The following RAD18 variants were observed in gnomAD, a reference collection of about 807,000 sequenced individuals.
RAD18 encodes RAD18 E3 ubiquitin protein ligase, also known as E3 ubiquitin-protein ligase RAD18.
RAD18 carries 47 observed loss-of-function variants against 60.4 expected under a neutral mutation model. That is an observed-to-expected ratio of 0.78 (90% CI 0.62 to 0.99). The LOEUF is 0.99. Ranked by LOEUF, RAD18 falls within the 50% of genes least tolerant of loss-of-function variation. The pLI is 0.00. For missense variants in RAD18, 640 were observed against 593.3 expected, an observed-to-expected ratio of 1.08 and a Z score of -0.82; for synonymous variants, 225 against 195.5, an observed-to-expected ratio of 1.15 and a Z score of -1.26.
chr3:8,894,778 T>TTTTTTTA (rs1939756786), intron 11 of RAD18, among the ~76,000 whole-genome samples: 3 of 149,806 alleles, frequency 2.0e-5, no homozygotes, highest in Admixed American at 6.6e-5. Flanking sequence ...TTTTTTTTTT[T>TTTTTTTA]GAGATGGAGT....
At chr3:8,909,750 G>A (rs1380600345) in intron 9 of RAD18, among the ~76,000 whole-genome samples, 5 of 152,170 alleles carry the variant, frequency 3.3e-5, no homozygotes, top group Non-Finnish European at 1.5e-5. Context: ...TACCAGGGGT[G>A]TCCAATCTTT....
At chr3:8,892,887 T>A (rs540828918) in intron 11 of RAD18, among the ~76,000 whole-genome samples, 3 of 152,326 alleles carry the variant, frequency 2.0e-5, no homozygotes, top group African/African-American at 7.2e-5. Flanking sequence ...CTGTGTAATT[T>A]TGGGCCAGTT....
intron 2 of RAD18, among the ~76,000 whole-genome samples, chr3:8,958,053 C>G (rs1941039648): frequency 2.6e-5 from 4 of 152,168 alleles, no homozygotes; most frequent in African/African-American, 9.7e-5. Context: ...ACAGTGAGTT[C>G]TGCACATTTA....
chr3:8,927,649 A>T (rs1050170607), intron 7 of RAD18, among the ~76,000 whole-genome samples: 9 of 152,240 alleles, frequency 5.9e-5, no homozygotes, highest in Non-Finnish European at 1.2e-4. Flanking sequence ...GGCAAAGACT[A>T]GGAACCAACC....
At chr3:8,882,975 C>A (rs1218271087) in intron 12 of RAD18, among the ~76,000 whole-genome samples, 1 of 152,178 alleles carries the variant, frequency 6.6e-6, no homozygotes, top group Non-Finnish European at 1.5e-5. Context: ...AAGGGAAAAA[C>A]CCATTTCGAG....
At chr3:8,949,801 C>T (rs183239229) in intron 2 of RAD18, among the ~76,000 whole-genome samples, 10 of 152,228 alleles carry the variant, frequency 6.6e-5, no homozygotes, top group African/African-American at 2.2e-4. Flanking sequence ...CTGTAATTGA[C>T]GAATTGCTGG....
intron 4 of RAD18, among the ~76,000 whole-genome samples, chr3:8,945,019 T>C (rs1426485433): frequency 6.6e-6 from 1 of 152,184 alleles, no homozygotes; most frequent in Non-Finnish European, 1.5e-5. Context: ...ATAATATAAA[T>C]TTTAAAAACA....
intron 4 of RAD18, among the ~76,000 whole-genome samples, chr3:8,944,262 G>C (rs45540937): frequency 8.5e-5 from 13 of 152,212 alleles, no homozygotes; most frequent in Admixed American, 4.6e-4. Flanking sequence ...AACCTGAAGA[G>C]CCCTTATTAT....
At chr3:8,945,048 T>C (rs1049141902) in intron 4 of RAD18, among the ~76,000 whole-genome samples, 2 of 152,254 alleles carry the variant, frequency 1.3e-5, no homozygotes, top group Non-Finnish European at 2.9e-5. Flanking sequence ...CAACGATTTA[T>C]ATAGCATTGT....
At chr3:8,898,405 TG>T (rs1273610254) in intron 11 of RAD18, among the ~76,000 whole-genome samples, 3 of 151,742 alleles carry the variant, frequency 2.0e-5, no homozygotes, top group African/African-American at 4.8e-5. Context: ...TGTGTGTGTG[TG>T]TGTGTGTAAA....
intron 9 of RAD18, among the ~76,000 whole-genome samples, chr3:8,910,228 T>C (rs188049827): frequency 1.1e-4 from 17 of 152,344 alleles, no homozygotes; most frequent in African/African-American, 3.6e-4. Context: ...TGGAAAGTGA[T>C]TTACACTTCT....
chr3:8,961,650 T>C (rs1941096558), intron 1 of RAD18, among the ~76,000 whole-genome samples: 1 of 152,196 alleles, frequency 6.6e-6, no homozygotes, highest in African/African-American at 2.4e-5. Context: ...AGATGTGTTA[T>C]AAAGGAGATT....
chr3:8,893,924 A>T (rs1238357438), intron 11 of RAD18, among the ~76,000 whole-genome samples: 1 of 152,078 alleles, frequency 6.6e-6, no homozygotes, highest in Non-Finnish European at 1.5e-5. Flanking sequence ...TCCCAGGCTC[A>T]AGTGATCCTC....
chr3:8,935,904 T>G lies in RAD18; in HGVS notation c.856A>C (p.Asn286His). Residue 286 changes from asparagine to histidine, a missense_variant, in exon 7 of 13, where the codon AAT becomes CAT. Transcript: ENST00000264926. ...GGATGCAAAGCATCGCATTGGGCAT[T>G]GTACATGTGTACAAATTCTTGGTGC... The part of the protein sequence containing the change: ...KRHQEFVHMY[N>H]AQCDALHPKS... 1 of 1,608,482 alleles carries G rather than the reference T, an allele frequency of 6.2e-7. No individual in the cohort carries two copies. The highest frequency in any genetic ancestry group is 8.5e-7 in the Non-Finnish European group (1 of 1,177,832).
At position 8,912,205 on chromosome 3, in the gene RAD18, A is replaced by G. The variant is rs537791255; in HGVS notation, c.1027+107T>C. The stretch of plus-strand genomic sequence containing the variant: ...ATTCAATCTCTTAAGTAATGTTAAC[A>G]AAAGTTTGAATTGAACCTTAATATA... On this transcript the variant is annotated intron_variant, in intron 9 of 12. Transcript: ENST00000264926. The G allele has an allele frequency of 1.9e-4, 176 of 908,348 alleles. 4 individuals are homozygous for G. In the South Asian group the frequency reaches 2.9e-3, roughly 15 times the overall value. 56.3% of individuals were successfully genotyped at this position (908,348 alleles called of 1,614,324 possible). A position where few individuals can be genotyped will look rare whatever the true frequency, so the allele number is the denominator to read the frequency against.
chr3:8,910,513 CAGG>C (rs1940088989), intron 9 of RAD18, among the ~76,000 whole-genome samples: 3 of 151,442 alleles, frequency 2.0e-5, no homozygotes, highest in Admixed American at 2.0e-4. Flanking sequence ...GAGGCTGAGG[CAGG>C]AGAATGGCGT....
intron 1 of RAD18, among the ~76,000 whole-genome samples, 154 bp downstream of exon 1, chr3:8,963,181 C>T (rs2124851459): frequency 6.6e-6 from 1 of 152,332 alleles, no homozygotes; most frequent in South Asian, 2.1e-4. Flanking sequence ...CCCAGAGCCA[C>T]GCGGTCGGCT....
Position 8,890,470 on chromosome 3 carries a change from C to A in RAD18, c.1323-19G>T, listed in dbSNP as rs1267918598. On this transcript the variant is annotated intron_variant, in intron 11 of 12. Transcript: ENST00000264926. ...ACTGGAACTAAAAGGATATGTACAT[C>A]AGTATTGACAGACAACAAGAAGACT... 6.6e-7 allele frequency: 1 copy of A among 1,511,708 alleles called. No individual in the cohort carries two copies. Among genetic ancestry groups the A allele is most frequent in the Non-Finnish European group, 9.2e-7 (1 of 1,088,424 alleles). 93.6% of individuals were successfully genotyped at this position (1,511,708 alleles called of 1,614,324 possible).
chr3:8,940,252 G>C (rs1351348543), intron 5 of RAD18, among the ~76,000 whole-genome samples: 1 of 151,892 alleles, frequency 6.6e-6, no homozygotes, highest in Non-Finnish European at 1.5e-5. Context: ...AGACCACCAT[G>C]GATAATAGGC....
Sources: allele counts gnomAD v4.1 joint callset (sites outside exome capture counted in the v4.1 genomes callset), GRCh38; gene constraint gnomAD v4.1.1; transcripts MANE v1.5; gene names NCBI Gene and HGNC (gene_info 2026-07-23, HGNC 2026-07-21).